Variants in EIF2B3 observed in about 807,000 individuals in gnomAD.
EIF2B3 encodes the protein eukaryotic translation initiation factor 2B subunit gamma.
A neutral mutation model predicts 54.1 loss-of-function variants in EIF2B3; 20 were observed. That is an observed-to-expected ratio of 0.37 (90% CI 0.26 to 0.54). The LOEUF (loss-of-function observed/expected upper bound fraction) is 0.54. Among genes scored for constraint, EIF2B3 ranks in the 20% least tolerant of loss-of-function variants. EIF2B3 has a pLI of 0.86. For missense variants in EIF2B3, 448 were observed against 547.8 expected, an observed-to-expected ratio of 0.82 and a Z score of 1.82; for synonymous variants, 153 against 188.1, an observed-to-expected ratio of 0.81 and a Z score of 1.52.
intron 4 of EIF2B3, among the ~76,000 whole-genome samples, chr1:44,928,630 G>A (rs1446098575): frequency 6.6e-6 from 1 of 151,752 alleles, no homozygotes; most frequent in Non-Finnish European, 1.5e-5. Context: ...TAGATTCTAT[G>A]CTATGTATAG....
At position 44,857,604 on chromosome 1, in the gene EIF2B3, T is replaced by C. The variant is rs1231653869; in HGVS notation, c.1306+100A>G. 8 of 1,057,328 alleles carry C rather than the reference T, an allele frequency of 7.6e-6. No individual in the cohort carries two copies. In the East Asian group the frequency reaches 1.4e-4, roughly 19 times the overall value. 65.5% of individuals were successfully genotyped at this position (1,057,328 alleles called of 1,614,324 possible). A position where few individuals can be genotyped will look rare whatever the true frequency, so the allele number is the denominator to read the frequency against. ...TATCAATTTATGTTCTCGCCCGCAG[T>C]GTACGTATGTGCTTGTTTCCCACAT... On this transcript the variant is annotated intron_variant, in intron 11 of 11. Coordinates refer to ENST00000360403, the MANE Select transcript of EIF2B3 (RefSeq NM_020365.5).
At chr1:44,914,632 G>A (rs1643584195) in intron 5 of EIF2B3, among the ~76,000 whole-genome samples, 1 of 152,180 alleles carries the variant, frequency 6.6e-6, no homozygotes, top group Non-Finnish European at 1.5e-5. Flanking sequence ...GGATTTTAGA[G>A]AATTACTAAG....
At chr1:44,886,080 C>T (rs1432844402) in intron 6 of EIF2B3, among the ~76,000 whole-genome samples, 3 of 150,308 alleles carry the variant, frequency 2.0e-5, no homozygotes, top group Non-Finnish European at 4.4e-5. Context: ...ATGCTTATAA[C>T]ACTCAATGAA....
intron 5 of EIF2B3, among the ~76,000 whole-genome samples, chr1:44,899,771 TTGGAGA>T (rs1249839973): frequency 6.6e-6 from 1 of 152,184 alleles, no homozygotes; most frequent in African/African-American, 2.4e-5. Flanking sequence ...GGAAAGCAGT[TTGGAGA>T]TATTTCAAAG....
intron 10 of EIF2B3, among the ~76,000 whole-genome samples, chr1:44,867,737 C>T (rs954104705): frequency 6.6e-5 from 10 of 151,956 alleles, no homozygotes; most frequent in Non-Finnish European, 1.0e-4. Context: ...GGAACTCATT[C>T]GCAGGATTGG....
At chr1:44,868,397 CAAAAAAAAA>C (rs34094245) in intron 10 of EIF2B3, among the ~76,000 whole-genome samples, 3 of 65,436 alleles carry the variant, frequency 4.6e-5, no homozygotes, top group South Asian at 6.2e-4. Flanking sequence ...GACTCCGTCT[CAAAAAAAAA>C]AAAAAAAAAA....
chr1:44,927,308 G>A (rs1256128772), intron 4 of EIF2B3, among the ~76,000 whole-genome samples: 3 of 152,102 alleles, frequency 2.0e-5, no homozygotes, highest in African/African-American at 7.2e-5. Flanking sequence ...AGGTTTCTGG[G>A]GAAGCCTCAG....
chr1:44,909,560 G>A (rs939934400), intron 5 of EIF2B3, among the ~76,000 whole-genome samples: 1 of 152,128 alleles, frequency 6.6e-6, no homozygotes, highest in South Asian at 2.1e-4. Context: ...CAGGAGATTG[G>A]AAGATTTTTC....
chr1:44,975,034 G>A (rs1272396503), intron 3 of EIF2B3, among the ~76,000 whole-genome samples: 1 of 152,124 alleles, frequency 6.6e-6, no homozygotes, highest in South Asian at 2.1e-4. Flanking sequence ...GAGCAACACA[G>A]TGAGACATCT....
intron 9 of EIF2B3, 25 bp from the exon 10 acceptor site, chr1:44,874,851 C>T: frequency 6.2e-7 from 1 of 1,614,024 alleles, no homozygotes; most frequent in South Asian, 1.1e-5. Context: ...ATATAAAACT[C>T]TGTCCACCCA....
At chr1:44,923,130 T>C (rs368558301) in intron 5 of EIF2B3, among the ~76,000 whole-genome samples, 7 of 152,206 alleles carry the variant, frequency 4.6e-5, no homozygotes, top group Non-Finnish European at 7.3e-5. Flanking sequence ...ATGGAGTCTT[T>C]AGTTTTTTCC....
At chr1:44,973,819 A>G (rs1644426927) in intron 3 of EIF2B3, among the ~76,000 whole-genome samples, 1 of 152,242 alleles carries the variant, frequency 6.6e-6, no homozygotes, top group East Asian at 1.9e-4. Flanking sequence ...GAGGAGGGGG[A>G]TGTTAGTATT....
intron 1 of EIF2B3, among the ~76,000 whole-genome samples, chr1:44,984,724 T>C (rs1373360529): frequency 6.6e-6 from 1 of 151,866 alleles, no homozygotes; most frequent in Admixed American, 6.6e-5. Flanking sequence ...GGGATAATTA[T>C]AGTTTCACTT....
chr1:44,881,311 A>AG lies in EIF2B3; in HGVS notation c.784+300dup, dbSNP rs1233849574. ...TAGAGCCTAGAGAACAGGGGAACTA[A>AG]GAAGTGGCAGGTGGAGTTTAAAGGC... is the stretch of plus-strand genomic sequence containing the variant. On this transcript the variant is annotated intron_variant, in intron 7 of 11. Transcript: ENST00000360403. The surrounding 1 kb of genome is among the most constrained non-coding windows in gnomAD (Gnocchi z 4.0). Among the ~76,000 whole-genome samples the AG allele has an allele frequency of 6.6e-6, 1 of 152,218 alleles. No homozygotes were observed. The highest frequency in any genetic ancestry group is 1.9e-4 in the East Asian group (1 of 5,198).
chr1:44,872,385 C>T (rs1196367356), intron 10 of EIF2B3, among the ~76,000 whole-genome samples: 2 of 152,118 alleles, frequency 1.3e-5, no homozygotes, highest in Non-Finnish European at 2.9e-5. Context: ...GTGGCTCATG[C>T]CTGTAATCCC....
chr1:44,881,480 G>A lies in EIF2B3; in HGVS notation c.784+132C>T, dbSNP rs2148905742. On this transcript the variant is annotated intron_variant, in intron 7 of 11. Transcript: ENST00000360403. The surrounding 1 kb of genome is among the most constrained non-coding windows in gnomAD (Gnocchi z 4.0). The stretch of plus-strand genomic sequence containing the variant: ...CAGAGCTCAGTGGGTTGGCAAGCCT[G>A]TCTTGCCTCGTAGGCTAGAAATAGT... 1 of 1,285,768 alleles carries A rather than the reference G, an allele frequency of 7.8e-7. No individual in the cohort carries two copies. The highest frequency in any genetic ancestry group is 1.1e-6 in the Non-Finnish European group (1 of 900,824). 79.6% of individuals were successfully genotyped at this position (1,285,768 alleles called of 1,614,324 possible). A position where few individuals can be genotyped will look rare whatever the true frequency, so the allele number is the denominator to read the frequency against.
chr1:44,923,940 C>CTTTT (rs570038780), intron 5 of EIF2B3, among the ~76,000 whole-genome samples: 2 of 131,736 alleles, frequency 1.5e-5, no homozygotes, highest in African/African-American at 2.9e-5. Flanking sequence ...AATTTCTTTC[C>CTTTT]TTTTTTTTTT....
intron 10 of EIF2B3, among the ~76,000 whole-genome samples, chr1:44,869,345 G>A (rs989887571): frequency 5.3e-4 from 80 of 151,680 alleles, no homozygotes; most frequent in African/African-American, 1.8e-3. Context: ...GGGTGTGGGG[G>A]TGCGCACCTA....
At chr1:44,906,178 G>C (rs1643407604) in intron 5 of EIF2B3, among the ~76,000 whole-genome samples, 1 of 152,170 alleles carries the variant, frequency 6.6e-6, no homozygotes, top group Admixed American at 6.6e-5. Context: ...TGACATTTCA[G>C]CAGGTCATGC....
Sources: gnomAD v4.1 joint callset for allele counts (sites outside exome capture counted in the v4.1 genomes callset) on GRCh38, gnomAD v4.1.1 for gene constraint, Gnocchi (gnomAD v3.1) non-coding constraint, MANE v1.5 for transcripts, NCBI Gene and HGNC (gene_info 2026-07-23, HGNC 2026-07-21) for gene names.